The following B3GLCT variants were observed in gnomAD, a reference collection of about 807,000 sequenced individuals.
The protein encoded by B3GLCT is beta-1,3-glucosyltransferase.
B3GLCT carries 65 observed loss-of-function variants against 63.4 expected under a neutral mutation model. The ratio of observed to expected loss-of-function variants is 1.03; its 90% CI spans 0.84 to 1.26. The LOEUF is 1.26. Among genes scored for constraint, B3GLCT ranks in the 50% most tolerant of loss-of-function variants. The pLI is 0.00. For missense variants in B3GLCT, 577 were observed against 604.8 expected (o/e 0.95, Z 0.48); for synonymous variants, 233 against 219.2 (o/e 1.06, Z -0.55).
chr13:31,245,248 G>A (rs1237305616), intron 4 of B3GLCT, among the ~76,000 whole-genome samples: 2 of 152,020 alleles, frequency 1.3e-5, no homozygotes, highest in Non-Finnish European at 2.9e-5. Flanking sequence ...TTTCTGCTGA[G>A]GTTACCGTCA....
intron 10 of B3GLCT, among the ~76,000 whole-genome samples, chr13:31,283,625 A>C (rs1176464344): frequency 6.6e-6 from 1 of 151,936 alleles, no homozygotes; most frequent in Non-Finnish European, 1.5e-5. Flanking sequence ...CCAGTGAAAG[A>C]GATTATAAAA....
chr13:31,296,668 A>C (rs1376011967), intron 12 of B3GLCT, among the ~76,000 whole-genome samples: 1 of 151,908 alleles, frequency 6.6e-6, no homozygotes, highest in Non-Finnish European at 1.5e-5. Flanking sequence ...ATTTTTCAAT[A>C]GAGATGATGG....
chr13:31,217,180 C>T (rs1360298420), intron 2 of B3GLCT, among the ~76,000 whole-genome samples: 1 of 152,196 alleles, frequency 6.6e-6, no homozygotes, highest in Non-Finnish European at 1.5e-5. Context: ...TTTTGATTTA[C>T]ATTTCCCTAA....
At chr13:31,309,268 T>C (rs372482450) in intron 12 of B3GLCT, among the ~76,000 whole-genome samples, 2 of 152,242 alleles carry the variant, frequency 1.3e-5, no homozygotes, top group African/African-American at 4.8e-5. Flanking sequence ...AACATTTTTT[T>C]CTGTGTTCTT....
At chr13:31,238,982 A>C (rs1483966669) in intron 4 of B3GLCT, among the ~76,000 whole-genome samples, 2 of 152,230 alleles carry the variant, frequency 1.3e-5, no homozygotes, top group African/African-American at 4.8e-5. Flanking sequence ...GAAGGCGGGA[A>C]GACTTTTGTG....
At chr13:31,219,476 A>G (rs1239117974) in intron 2 of B3GLCT, among the ~76,000 whole-genome samples, 1 of 152,190 alleles carries the variant, frequency 6.6e-6, no homozygotes, top group East Asian at 1.9e-4. Context: ...TTAAAGTGCT[A>G]CCTAATCCTG....
chr13:31,208,627 C>CA lies in B3GLCT; in HGVS notation c.71-6424_71-6423insA, dbSNP rs11377540. ...CTTCTGCTTCTTTAGTGGCCCCCCC[C>CA]CCCCGCTCACTGCCACCTTCATTGA... On this transcript the variant is annotated intron_variant, in intron 1 of 14. Transcript: ENST00000343307. 2.6e-4 allele frequency among the ~76,000 whole-genome samples: 34 copies of CA among 133,302 alleles called. 2 individuals are homozygous for CA. Among genetic ancestry groups the CA allele is most frequent in the South Asian group, 1.6e-3 (6 of 3,660 alleles). The allele number at this position is 133,302 out of a possible 152,430, so 87.5% of individuals were successfully genotyped here.
intron 1 of B3GLCT, among the ~76,000 whole-genome samples, chr13:31,201,593 A>G (rs188857868): frequency 6.6e-6 from 1 of 152,286 alleles, no homozygotes; most frequent in East Asian, 1.9e-4. Flanking sequence ...TGTTGCCTGG[A>G]TGTTTTGCAA....
chr13:31,230,943 G>C (rs867313745), intron 4 of B3GLCT, among the ~76,000 whole-genome samples: 12 of 152,260 alleles, frequency 7.9e-5, no homozygotes, highest in African/African-American at 2.9e-4. Context: ...AGGAGACAGA[G>C]GTTGCAGTGA....
chr13:31,322,266 ATGACCTATT>A (rs1839258532), intron 13 of B3GLCT, among the ~76,000 whole-genome samples: 2 of 152,244 alleles, frequency 1.3e-5, no homozygotes, highest in Non-Finnish European at 2.9e-5. Flanking sequence ...AGAGACTGCC[ATGACCTATT>A]TATTGGCTGA....
chr13:31,264,891 C>CT (rs1468395136), intron 7 of B3GLCT, among the ~76,000 whole-genome samples: 6 of 152,172 alleles, frequency 3.9e-5, no homozygotes, highest in Non-Finnish European at 7.3e-5. Context: ...AATACTTTTG[C>CT]TGTAATTGGG....
rs967978757 is a variant in B3GLCT at position 31,331,948 on chromosome 13, T to C, written c.*2280T>C. On this transcript the variant is annotated 3_prime_UTR_variant, in exon 15 of 15. Coordinates refer to ENST00000343307, the MANE Select transcript of B3GLCT (RefSeq NM_194318.4). ...GAATGTCATTTTTGCTTTTAAGCCATTTCTGATGATATAGCCAAAGCAGGT... is the reference window on the plus strand; with the variant it reads ...GAATGTCATTTTTGCTTTTAAGCCACTTCTGATGATATAGCCAAAGCAGGT... 2.0e-5 allele frequency: 3 copies of C among 152,238 alleles called. No homozygotes were observed. Among genetic ancestry groups the C allele is most frequent in the Non-Finnish European group, 4.4e-5 (3 of 68,030 alleles). The allele number at this position is 152,238 out of a possible 1,614,324, so 9.4% of individuals were successfully genotyped here.
intron 10 of B3GLCT, among the ~76,000 whole-genome samples, chr13:31,277,218 T>C (rs118028152): frequency 0.01 from 1,550 of 152,206 alleles, 16 homozygotes; most frequent in Middle Eastern, 0.02. Flanking sequence ...CCTTGGAACT[T>C]GTTAGTTAAG....
chr13:31,292,977 T>C (rs1873755758), intron 12 of B3GLCT, among the ~76,000 whole-genome samples: 1 of 152,186 alleles, frequency 6.6e-6, no homozygotes, highest in Non-Finnish European at 1.5e-5. Context: ...AACACTGCTT[T>C]AGCTGTGTCC....
chr13:31,320,103 C>G (rs1307345510), intron 13 of B3GLCT, among the ~76,000 whole-genome samples: 1 of 152,224 alleles, frequency 6.6e-6, no homozygotes, highest in Non-Finnish European at 1.5e-5. Context: ...GTCTTAAACT[C>G]CACTCCATGC....
At chr13:31,218,841 C>T (rs543245975) in intron 2 of B3GLCT, among the ~76,000 whole-genome samples, 6 of 151,828 alleles carry the variant, frequency 4.0e-5, no homozygotes, top group South Asian at 4.2e-4. Context: ...TTGTCATAGA[C>T]GGCTTTTATT....
intron 2 of B3GLCT, among the ~76,000 whole-genome samples, chr13:31,217,651 T>C (rs1305645155): frequency 6.6e-6 from 1 of 152,242 alleles, no homozygotes; most frequent in African/African-American, 2.4e-5. Flanking sequence ...GTCAATCTTC[T>C]GTATATGGCT....
intron 8 of B3GLCT, among the ~76,000 whole-genome samples, chr13:31,269,602 G>A (rs7336582): frequency 0.21 from 31,335 of 151,410 alleles, 3,271 homozygotes; most frequent in East Asian, 0.24. Context: ...TTGATGCTTC[G>A]GTTGTACGTA....
chr13:31,219,767 A>C (rs994018796), intron 2 of B3GLCT, among the ~76,000 whole-genome samples: 1 of 152,356 alleles, frequency 6.6e-6, no homozygotes. Flanking sequence ...AATTCCTATA[A>C]GCAGCCTTTT....
Sources: allele counts gnomAD v4.1 joint callset (sites outside exome capture counted in the v4.1 genomes callset), GRCh38; gene constraint gnomAD v4.1.1; transcripts MANE v1.5; gene names NCBI Gene and HGNC (gene_info 2026-07-23, HGNC 2026-07-21).